The following AKR1C8 variants were observed in gnomAD, a reference collection of about 807,000 sequenced individuals.
AKR1C8 encodes the protein aldo-keto reductase family 1 member C-like protein 1.
chr10:5,117,355 C>T, the AKR1C8 span, among the ~76,000 whole-genome samples: 5 of 152,168 alleles, frequency 3.3e-5, no homozygotes, highest in South Asian at 1.0e-3. Context: ...ATAGGAGATA[C>T]TGGTTCATGG....
the AKR1C8 span, among the ~76,000 whole-genome samples, chr10:5,118,582 A>T: frequency 6.6e-5 from 10 of 152,174 alleles, no homozygotes; most frequent in Non-Finnish European, 2.9e-5. Flanking sequence ...CTTGGGGAAG[A>T]AAGATTCTAG....
At chr10:5,169,949 C>T in the AKR1C8 span, among the ~76,000 whole-genome samples, 12 of 151,970 alleles carry the variant, frequency 7.9e-5, no homozygotes, top group Non-Finnish European at 2.9e-5. Flanking sequence ...CATTTTTGGG[C>T]TGTCAGGGGT....
At chr10:5,127,106 A>G in the AKR1C8 span, among the ~76,000 whole-genome samples, 3 of 152,146 alleles carry the variant, frequency 2.0e-5, no homozygotes, top group Non-Finnish European at 4.4e-5. Context: ...CCCCAGCAAT[A>G]AATCCAAACT....
At chr10:5,120,555 G>A in the AKR1C8 span, among the ~76,000 whole-genome samples, 1 of 151,884 alleles carries the variant, frequency 6.6e-6, no homozygotes, top group African/African-American at 2.4e-5. Context: ...TACCTTTTCA[G>A]TAGTTAGTGT....
At chr10:5,129,844 A>G in the AKR1C8 span, among the ~76,000 whole-genome samples, 2 of 151,950 alleles carry the variant, frequency 1.3e-5, no homozygotes, top group Non-Finnish European at 2.9e-5. Context: ...GACATTCAAA[A>G]AGAAGTTGGT....
chr10:5,158,499 G>A, the AKR1C8 span: 1 of 394,564 alleles, frequency 2.5e-6, no homozygotes, highest in Non-Finnish European at 5.2e-6. Context: ...TTTAATCTTT[G>A]AGCTTTTTTA....
chr10:5,121,517 G>A, the AKR1C8 span, among the ~76,000 whole-genome samples: 1 of 152,100 alleles, frequency 6.6e-6, no homozygotes, highest in Non-Finnish European at 1.5e-5. Flanking sequence ...ACATAAATTT[G>A]GGAGATATAA....
At chr10:5,149,738 T>A in the AKR1C8 span, among the ~76,000 whole-genome samples, 1 of 151,822 alleles carries the variant, frequency 6.6e-6, no homozygotes, top group Non-Finnish European at 1.5e-5. Flanking sequence ...CAGTTAAAGC[T>A]TTGATAAATT....
the AKR1C8 span, among the ~76,000 whole-genome samples, chr10:5,172,854 G>T: frequency 6.6e-6 from 1 of 151,906 alleles, no homozygotes; most frequent in East Asian, 1.9e-4. Context: ...CACACATATA[G>T]CCAGACAGAC....
the AKR1C8 span, chr10:5,184,996 C>T: frequency 1.9e-6 from 1 of 534,482 alleles, no homozygotes. Context: ...ACTTCAGCCT[C>T]CTGGGGTCCA....
chr10:5,116,720 C>G, the AKR1C8 span, among the ~76,000 whole-genome samples: 1 of 152,200 alleles, frequency 6.6e-6, no homozygotes, highest in African/African-American at 2.4e-5. Flanking sequence ...GTTCTGCCCA[C>G]TGGGAAGATT....
chr10:5,177,787 C>T, the AKR1C8 span, among the ~76,000 whole-genome samples: 13 of 152,048 alleles, frequency 8.5e-5, no homozygotes, highest in East Asian at 2.5e-3. Context: ...GTAGTATTCT[C>T]TGATGGTAGT....
At chr10:5,177,448 GT>G in the AKR1C8 span, among the ~76,000 whole-genome samples, 1 of 151,866 alleles carries the variant, frequency 6.6e-6, no homozygotes, top group Non-Finnish European at 1.5e-5. Flanking sequence ...CTCTTTTTTT[GT>G]TGTGTCTCTG....
At chr10:5,146,781 T>G in the AKR1C8 span, among the ~76,000 whole-genome samples, 3 of 152,186 alleles carry the variant, frequency 2.0e-5, no homozygotes, top group Non-Finnish European at 4.4e-5. Context: ...CATTTGCTTT[T>G]GGGTTCTTGG....
At chr10:5,117,412 C>G in the AKR1C8 span, among the ~76,000 whole-genome samples, 1 of 152,216 alleles carries the variant, frequency 6.6e-6, no homozygotes, top group Non-Finnish European at 1.5e-5. Flanking sequence ...ATTTCTGAAG[C>G]AAGCCAGGAC....
At chr10:5,116,197 C>T in the AKR1C8 span, among the ~76,000 whole-genome samples, 4 of 152,020 alleles carry the variant, frequency 2.6e-5, no homozygotes, top group African/African-American at 7.2e-5. Flanking sequence ...CTTGATAGCC[C>T]GGGTCAATCA....
chr10:5,165,911 C>A, the AKR1C8 span, among the ~76,000 whole-genome samples: 12 of 152,132 alleles, frequency 7.9e-5, no homozygotes, highest in South Asian at 1.2e-3. Flanking sequence ...CATGACTACT[C>A]CTAACGACTA....
the AKR1C8 span, among the ~76,000 whole-genome samples, chr10:5,145,199 G>C: frequency 1.3e-5 from 2 of 152,232 alleles, no homozygotes; most frequent in African/African-American, 4.8e-5. Context: ...ATCAATTCAA[G>C]ATGGATTAAA....
chr10:5,176,402 C>T, the AKR1C8 span, among the ~76,000 whole-genome samples: 1 of 144,738 alleles, frequency 6.9e-6, no homozygotes, highest in African/African-American at 2.5e-5. Flanking sequence ...AGTTTGAAGT[C>T]AGGTAGTGTG....
Sources: allele counts gnomAD v4.1 joint callset (sites outside exome capture counted in the v4.1 genomes callset), GRCh38; gene constraint gnomAD v4.1.1; transcripts MANE v1.5; gene names NCBI Gene and HGNC (gene_info 2026-07-23, HGNC 2026-07-21).